SLC8A1: variants seen among roughly 807,000 people sequenced by gnomAD.
The protein encoded by SLC8A1 is sodium/calcium exchanger 1.
SLC8A1 carries 18 observed loss-of-function variants against 68.3 expected under a neutral mutation model. That is an observed-to-expected ratio of 0.26 (90% CI 0.18 to 0.39). SLC8A1 has a LOEUF of 0.39. Ranked by LOEUF, SLC8A1 falls within the 10% of genes least tolerant of loss-of-function variation. The pLI is 1.00. For synonymous variants in SLC8A1, 475 were observed against 415.5 expected, an observed-to-expected ratio of 1.14 and a Z score of -1.74; for missense variants, 985 against 1,156.7, an observed-to-expected ratio of 0.85 and a Z score of 2.15.
At chr2:40,221,299 G>T (rs542581649) in intron 2 of SLC8A1, among the ~76,000 whole-genome samples, 103 of 152,258 alleles carry the variant, frequency 6.8e-4, no homozygotes, top group African/African-American at 2.4e-3. Flanking sequence ...TATCTCAATA[G>T]ATGCAGAAAA....
At chr2:40,290,011 T>C (rs2069005705) in intron 2 of SLC8A1, among the ~76,000 whole-genome samples, 2 of 152,054 alleles carry the variant, frequency 1.3e-5, no homozygotes, top group Non-Finnish European at 2.9e-5. Flanking sequence ...TGAGCAAGTG[T>C]TTCATTGGAT....
chr2:40,417,322 A>G (rs1694173527), intron 2 of SLC8A1, among the ~76,000 whole-genome samples: 1 of 152,112 alleles, frequency 6.6e-6, no homozygotes, highest in Admixed American at 6.6e-5. Flanking sequence ...CCCTAATATC[A>G]AAGAAGAGCA....
Position 40,464,463 on chromosome 2 carries a change from G to C in SLC8A1, c.-24-34159C>G, listed in dbSNP as rs139975807. ...ACTCTATTAGGAGTTGTGAAGGAGA[G>C]GACCCATTTGTTTCTCCTCTTTGAG... On this transcript the variant is annotated intron_variant, in intron 1 of 7. Transcript: ENST00000402441. 2.5e-3 allele frequency among the ~76,000 whole-genome samples: 376 copies of C among 152,308 alleles called. 1 individual carries two copies. Among genetic ancestry groups the C allele is most frequent in the Non-Finnish European group, 2.8e-3 (188 of 68,032 alleles).
intron 2 of SLC8A1, among the ~76,000 whole-genome samples, chr2:40,275,443 G>A (rs1386366562): frequency 6.6e-6 from 1 of 152,176 alleles, no homozygotes; most frequent in Non-Finnish European, 1.5e-5. Context: ...CTCTACCTAT[G>A]AAGAACAACT....
intron 2 of SLC8A1, among the ~76,000 whole-genome samples, chr2:40,378,298 C>A (rs1283712637): frequency 1.3e-5 from 2 of 152,060 alleles, no homozygotes; most frequent in Non-Finnish European, 2.9e-5. Context: ...GAGTAACAGC[C>A]TGAAGACAAG....
At chr2:40,472,710 G>C (rs1262892759) in intron 1 of SLC8A1, among the ~76,000 whole-genome samples, 2 of 152,010 alleles carry the variant, frequency 1.3e-5, no homozygotes, top group Non-Finnish European at 2.9e-5. Flanking sequence ...ACCCATTCTA[G>C]GTGCTGCCAA....
intron 2 of SLC8A1, among the ~76,000 whole-genome samples, chr2:40,225,449 A>G (rs1346624587): frequency 1.3e-5 from 2 of 151,842 alleles, no homozygotes; most frequent in East Asian, 3.9e-4. Context: ...TCTCTTGGCT[A>G]GACAATGGCA....
At chr2:40,480,033 C>T (rs1176747044) in intron 1 of SLC8A1, among the ~76,000 whole-genome samples, 2 of 151,984 alleles carry the variant, frequency 1.3e-5, no homozygotes, top group Non-Finnish European at 1.5e-5. Context: ...GGGACTAACA[C>T]AGGTCAAGAA....
At chr2:40,201,967 G>C (rs1046781296) in intron 2 of SLC8A1, among the ~76,000 whole-genome samples, 1 of 151,926 alleles carries the variant, frequency 6.6e-6, no homozygotes, top group African/African-American at 2.4e-5. Context: ...CTGAACATTT[G>C]AACATTAGAT....
intron 1 of SLC8A1, among the ~76,000 whole-genome samples, chr2:40,440,181 G>A (rs1700212241): frequency 6.6e-6 from 1 of 151,968 alleles, no homozygotes; most frequent in South Asian, 2.1e-4. Context: ...TTATATACCT[G>A]TGTTTGAAAA....
chr2:40,423,727 C>A (rs940178355), intron 2 of SLC8A1, among the ~76,000 whole-genome samples: 2 of 151,972 alleles, frequency 1.3e-5, no homozygotes, highest in Admixed American at 6.6e-5. Flanking sequence ...ACACCATAAA[C>A]AACCTTTCTG....
chr2:40,482,266 T>C (rs17026071), intron 1 of SLC8A1, among the ~76,000 whole-genome samples: 13,772 of 152,196 alleles, frequency 0.09, 1,013 homozygotes, highest in East Asian at 0.32. Flanking sequence ...TCTTTCTAAT[T>C]AACTTTTCAC....
intron 2 of SLC8A1, among the ~76,000 whole-genome samples, chr2:40,216,470 C>T (rs557081357): frequency 2.6e-4 from 39 of 152,230 alleles, no homozygotes; most frequent in African/African-American, 8.7e-4. Flanking sequence ...CATACATGTG[C>T]ATGTGTCTTT....
intron 1 of SLC8A1, among the ~76,000 whole-genome samples, chr2:40,444,006 C>G (rs1424304158): frequency 6.6e-6 from 1 of 152,058 alleles, no homozygotes; most frequent in Non-Finnish European, 1.5e-5. Context: ...TGTCAAATTT[C>G]CCTTATAAAA....
chr2:40,324,564 T>G (rs1367725027), intron 2 of SLC8A1, among the ~76,000 whole-genome samples: 1 of 152,184 alleles, frequency 6.6e-6, no homozygotes, highest in Non-Finnish European at 1.5e-5. Context: ...AAGTAGCTCA[T>G]TTGTTTATTA....
chr2:40,303,204 T>C (rs952883050), intron 2 of SLC8A1, among the ~76,000 whole-genome samples: 1 of 152,174 alleles, frequency 6.6e-6, no homozygotes, highest in African/African-American at 2.4e-5. Flanking sequence ...CCTTGAGCCA[T>C]TCTAGGTTTT....
At position 40,175,289 on chromosome 2, in the gene SLC8A1, G is replaced by T. The variant is rs777957522; in HGVS notation, c.1913-447C>A. 6.2e-7 allele frequency: 1 copy of T among 1,612,318 alleles called. No individual in the cohort carries two copies. The highest frequency in any genetic ancestry group is 1.1e-5 in the South Asian group (1 of 90,882). On this transcript the variant is annotated intron_variant, in intron 3 of 7. Transcript: ENST00000406785. The stretch of plus-strand genomic sequence containing the variant: ...GCTCATTCAATAACAGGGCTGTGAA[G>T]GAAACAGACAAAGACAAACACAGAA...
At chr2:40,206,029 A>C (rs1014479008) in intron 2 of SLC8A1, among the ~76,000 whole-genome samples, 2 of 151,972 alleles carry the variant, frequency 1.3e-5, no homozygotes, top group Non-Finnish European at 2.9e-5. Flanking sequence ...TAATGAAAAG[A>C]TTTGATTGGA....
intron 2 of SLC8A1, among the ~76,000 whole-genome samples, chr2:40,420,147 T>C (rs917161659): frequency 6.6e-6 from 1 of 152,146 alleles, no homozygotes; most frequent in Non-Finnish European, 1.5e-5. Flanking sequence ...AAATTCTATG[T>C]GCTGCGGAGG....
Sources: gnomAD v4.1 joint callset for allele counts (sites outside exome capture counted in the v4.1 genomes callset) on GRCh38, gnomAD v4.1.1 for gene constraint, MANE v1.5 for transcripts, NCBI Gene and HGNC (gene_info 2026-07-23, HGNC 2026-07-21) for gene names.